VOPP1: variants seen among roughly 807,000 people sequenced by gnomAD.
VOPP1 encodes WW domain binding protein VOPP1.
Under a neutral mutation model 23.5 loss-of-function variants are expected in VOPP1, and 8 were observed. The ratio of observed to expected loss-of-function variants is 0.34; its 90% CI spans 0.20 to 0.61. The LOEUF (loss-of-function observed/expected upper bound fraction) is 0.61, where lower values mean the gene tolerates loss of function less well. Ranked by LOEUF, VOPP1 falls within the 20% of genes least tolerant of loss-of-function variation. The pLI is 0.78. For synonymous variants in VOPP1, 83 were observed against 97.3 expected, an observed-to-expected ratio of 0.85 and a Z score of 0.86; for missense variants, 174 against 238.1, an observed-to-expected ratio of 0.73 and a Z score of 1.77.
chr7:55,454,069 C>T (rs1326988498), intron 4 of VOPP1, among the ~76,000 whole-genome samples: 1 of 152,036 alleles, frequency 6.6e-6, no homozygotes, highest in East Asian at 1.9e-4. Context: ...CAATTATATG[C>T]ATTTATGGGG....
chr7:55,546,079 T>A (rs1562618516), intron 1 of VOPP1, among the ~76,000 whole-genome samples: 2 of 151,712 alleles, frequency 1.3e-5, no homozygotes, highest in South Asian at 2.1e-4. Context: ...TTAAAAAAAA[T>A]AAAATAAAGA....
At chr7:55,539,163 G>C (rs1170065776) in intron 1 of VOPP1, among the ~76,000 whole-genome samples, 1 of 152,000 alleles carries the variant, frequency 6.6e-6, no homozygotes, top group East Asian at 1.9e-4. Flanking sequence ...GGGCAACATG[G>C]TGAAACCCCC....
intron 4 of VOPP1, among the ~76,000 whole-genome samples, chr7:55,457,560 T>G (rs1448183735): frequency 2.6e-5 from 4 of 152,152 alleles, no homozygotes; most frequent in Admixed American, 1.3e-4. Flanking sequence ...ATGACTGTAG[T>G]GATTTATATA....
intron 1 of VOPP1, chr7:55,552,789 A>G: frequency 6.6e-7 from 1 of 1,513,106 alleles, no homozygotes; most frequent in Non-Finnish European, 8.8e-7. Context: ...CTGTTCTCCT[A>G]GGAAACCTCC....
At chr7:55,521,762 G>C in intron 1 of VOPP1, 1 of 986,530 alleles carries the variant, frequency 1.0e-6, no homozygotes, top group Non-Finnish European at 1.2e-6. Context: ...GGCAGGGTGG[G>C]TGAGTGCACA....
chr7:55,481,695 T>C (rs1163162824), intron 4 of VOPP1, among the ~76,000 whole-genome samples: 1 of 152,198 alleles, frequency 6.6e-6, no homozygotes, highest in East Asian at 1.9e-4. Flanking sequence ...ACTGCAGGTG[T>C]CCTACTGGGA....
chr7:55,446,820 C>A (rs189358372), intron 4 of VOPP1, among the ~76,000 whole-genome samples: 3 of 152,314 alleles, frequency 2.0e-5, no homozygotes, highest in African/African-American at 7.2e-5. Flanking sequence ...TCACAACCAT[C>A]TCATAAGGAG....
intron 1 of VOPP1, among the ~76,000 whole-genome samples, chr7:55,524,929 A>G (rs1053845100): frequency 6.6e-6 from 1 of 152,222 alleles, no homozygotes; most frequent in Non-Finnish European, 1.5e-5. Flanking sequence ...GCTGTGGTCA[A>G]AGGGGAGTTT....
At chr7:55,445,171 CTCTT>C (rs549629978) in intron 4 of VOPP1, among the ~76,000 whole-genome samples, 29 of 151,584 alleles carry the variant, frequency 1.9e-4, no homozygotes, top group African/African-American at 6.6e-4. Context: ...AGCACGTGTG[CTCTT>C]TCTTTTGCTC....
intron 1 of VOPP1, among the ~76,000 whole-genome samples, 192 bp downstream of exon 1, chr7:55,572,079 G>C (rs2129058619): frequency 6.6e-6 from 1 of 152,166 alleles, no homozygotes; most frequent in Non-Finnish European, 1.5e-5. Context: ...GGCGCGGACC[G>C]GGGCGGGAGC....
At chr7:55,545,905 C>CA (rs5884420) in intron 1 of VOPP1, among the ~76,000 whole-genome samples, 31,155 of 150,236 alleles carry the variant, frequency 0.21, 3,480 homozygotes, top group African/African-American at 0.29. Context: ...CCCAACTCTA[C>CA]AAAAAAAAAT....
intron 3 of VOPP1, among the ~76,000 whole-genome samples, chr7:55,497,234 C>G (rs1348455737): frequency 6.6e-6 from 1 of 152,206 alleles, no homozygotes; most frequent in Admixed American, 6.5e-5. Context: ...GGGGAAGAGT[C>G]TGGACAATGA....
At chr7:55,518,073 A>T (rs1795586908) in intron 2 of VOPP1, among the ~76,000 whole-genome samples, 1 of 152,124 alleles carries the variant, frequency 6.6e-6, no homozygotes, top group Non-Finnish European at 1.5e-5. Context: ...TGTAACAGAG[A>T]GGTGAGCTGG....
intron 1 of VOPP1, among the ~76,000 whole-genome samples, chr7:55,564,913 C>T (rs1798115566): frequency 1.3e-5 from 2 of 152,288 alleles, no homozygotes; most frequent in South Asian, 4.2e-4. Flanking sequence ...AATACATGGT[C>T]ATGGCACCAT....
At chr7:55,548,732 C>T (rs891134622) in intron 1 of VOPP1, among the ~76,000 whole-genome samples, 1 of 152,224 alleles carries the variant, frequency 6.6e-6, no homozygotes, top group Non-Finnish European at 1.5e-5. Flanking sequence ...TTACCACATT[C>T]CTCTTGGCCC....
At chr7:55,500,388 A>T (rs1301007472) in intron 2 of VOPP1, among the ~76,000 whole-genome samples, 1 of 152,262 alleles carries the variant, frequency 6.6e-6, no homozygotes, top group African/African-American at 2.4e-5. Flanking sequence ...AGGCACCAAC[A>T]GCAATCCCAG....
chr7:55,550,771 G>A (rs957724857), intron 1 of VOPP1, among the ~76,000 whole-genome samples: 2 of 152,186 alleles, frequency 1.3e-5, no homozygotes, highest in African/African-American at 4.8e-5. Flanking sequence ...TTAACGACCA[G>A]TGTATGAAAA....
chr7:55,478,104 G>C (rs1011441079), intron 4 of VOPP1, among the ~76,000 whole-genome samples: 36 of 152,346 alleles, frequency 2.4e-4, no homozygotes, highest in African/African-American at 8.2e-4. Flanking sequence ...ATTTAGGAAA[G>C]AGAAAGCAAG....
intron 4 of VOPP1, among the ~76,000 whole-genome samples, chr7:55,447,713 A>C (rs1791137942): frequency 6.6e-6 from 1 of 152,184 alleles, no homozygotes; most frequent in Non-Finnish European, 1.5e-5. Context: ...ATTTCATATA[A>C]ATTTTGTAAA....
Sources: gnomAD v4.1 joint callset for allele counts (sites outside exome capture counted in the v4.1 genomes callset) on GRCh38, gnomAD v4.1.1 for gene constraint, MANE v1.5 for transcripts, NCBI Gene and HGNC (gene_info 2026-07-23, HGNC 2026-07-21) for gene names.